Variants in GPHN observed in about 807,000 individuals in gnomAD.
GPHN encodes the protein gephyrin.
Under a neutral mutation model 95.5 loss-of-function variants are expected in GPHN, and 17 were observed. The ratio of observed to expected loss-of-function variants is 0.18; its 90% CI spans 0.12 to 0.27. The LOEUF (loss-of-function observed/expected upper bound fraction) is 0.27, where lower values mean the gene tolerates loss of function less well. Among genes scored for constraint, GPHN ranks in the 10% least tolerant of loss-of-function variants. The probability of loss-of-function intolerance (pLI) is 1.00; values close to 1 mark genes in which losing one functional copy is unlikely to be tolerated. For synonymous variants in GPHN, 320 were observed against 322.5 expected (o/e 0.99, Z 0.08); for missense variants, 660 against 978.1 (o/e 0.67, Z 4.34).
intron 16 of GPHN, 62 bp downstream of exon 16, chr14:67,113,233 A>C (rs868275973): frequency 7.3e-7 from 1 of 1,379,064 alleles, no homozygotes; most frequent in South Asian, 1.2e-5. Context: ...TATTTCTGAC[A>C]TATGTTCTGT....
the GPHN span, among the ~76,000 whole-genome samples, chr14:67,313,360 G>A: frequency 6.6e-6 from 1 of 152,188 alleles, no homozygotes; most frequent in Non-Finnish European, 1.5e-5. Flanking sequence ...ACATCACTGA[G>A]TGTATTTACA....
the GPHN span, chr14:67,570,241 A>T: frequency 1.7e-6 from 1 of 596,092 alleles, no homozygotes; most frequent in Non-Finnish European, 2.1e-6. Context: ...TAAGAAGGTT[A>T]AGCCTATGCC....
intron 1 of GPHN, among the ~76,000 whole-genome samples, chr14:66,630,954 TCTTA>T (rs2063774823): frequency 6.6e-6 from 1 of 152,144 alleles, no homozygotes; most frequent in South Asian, 2.1e-4. Flanking sequence ...CATGATCCCC[TCTTA>T]CTTAACTTTA....
At chr14:66,732,804 C>A (rs111269306) in intron 2 of GPHN, among the ~76,000 whole-genome samples, 3 of 152,184 alleles carry the variant, frequency 2.0e-5, no homozygotes, top group African/African-American at 7.2e-5. Flanking sequence ...AATGAGCCAC[C>A]GCATCTGGCC....
chr14:67,684,959 C>T, the GPHN span: 1 of 1,475,644 alleles, frequency 6.8e-7, no homozygotes, highest in South Asian at 1.3e-5. Context: ...CAGACAAACC[C>T]AAATTATCTC....
chr14:67,579,865 G>C, the GPHN span: 1 of 1,601,184 alleles, frequency 6.2e-7, no homozygotes, highest in Non-Finnish European at 8.5e-7. Context: ...CTGCCTGCAG[G>C]GAAGTGTCAA....
intron 11 of GPHN, among the ~76,000 whole-genome samples, chr14:67,079,253 A>G (rs1481055124): frequency 6.6e-6 from 1 of 152,114 alleles, no homozygotes; most frequent in East Asian, 1.9e-4. Context: ...ATATTCAGAC[A>G]TGTGTAGCCA....
At chr14:67,322,533 T>A in the GPHN span, among the ~76,000 whole-genome samples, 1 of 152,156 alleles carries the variant, frequency 6.6e-6, no homozygotes, top group African/African-American at 2.4e-5. Flanking sequence ...GAGATGTACA[T>A]AAAGGAGAAT....
intron 5 of GPHN, among the ~76,000 whole-genome samples, chr14:66,903,882 A>G (rs2065241077): frequency 6.6e-6 from 1 of 152,302 alleles, no homozygotes; most frequent in Non-Finnish European, 1.5e-5. Flanking sequence ...AAAGATGACA[A>G]CTTATCTTAG....
chr14:67,612,660 G>T, the GPHN span, among the ~76,000 whole-genome samples: 2 of 152,272 alleles, frequency 1.3e-5, no homozygotes, highest in South Asian at 4.2e-4. Flanking sequence ...AAATAGGCTG[G>T]GTGCGGTAGC....
the GPHN span, chr14:67,562,125 C>T: frequency 3.7e-6 from 6 of 1,611,142 alleles, no homozygotes; most frequent in Non-Finnish European, 5.1e-6. Context: ...ACTGTTTTTA[C>T]CCGAATCACA....
At chr14:66,795,958 A>G (rs2060142076) in intron 3 of GPHN, among the ~76,000 whole-genome samples, 1 of 152,064 alleles carries the variant, frequency 6.6e-6, no homozygotes, top group African/African-American at 2.4e-5. Context: ...CCTACTAACC[A>G]TCCCTACCTC....
intron 8 of GPHN, among the ~76,000 whole-genome samples, chr14:66,959,848 C>A (rs534993776): frequency 6.6e-6 from 1 of 152,096 alleles, no homozygotes; most frequent in East Asian, 1.9e-4. Context: ...CTTCTGGGAC[C>A]ACCATTAATC....
At chr14:67,578,146 C>T in the GPHN span, 2 of 1,613,960 alleles carry the variant, frequency 1.2e-6, no homozygotes, top group Non-Finnish European at 1.7e-6. The surrounding 1 kb of genome is among the most constrained non-coding windows in gnomAD (Gnocchi z 5.0). Flanking sequence ...GATCTACTGC[C>T]AACTCATGAA....
At chr14:67,390,738 C>T in the GPHN span, 3 of 1,611,604 alleles carry the variant, frequency 1.9e-6, no homozygotes, top group African/African-American at 2.7e-5. Context: ...AGTTTTTCCT[C>T]TTGTGTCCCT....
the GPHN span, among the ~76,000 whole-genome samples, chr14:67,457,571 A>C: frequency 1.3e-5 from 2 of 152,216 alleles, no homozygotes; most frequent in African/African-American, 4.8e-5. Flanking sequence ...GCACCACTGC[A>C]CTCCTGGCTG....
At chr14:67,202,793 G>C in the GPHN span, among the ~76,000 whole-genome samples, 7 of 152,170 alleles carry the variant, frequency 4.6e-5, no homozygotes, top group Non-Finnish European at 8.8e-5. Flanking sequence ...GCTAAGTCAA[G>C]TCCTCTGTTA....
In GPHN at chr14:66,916,080, T is replaced by G. The variant is rs375607651; in HGVS notation, c.456+11T>G. ...AAGAAAGGATCTCAGGTAAATCACC[T>G]GGACATATTAATGGTTTAGTGTAAG... On this transcript the variant is annotated intron_variant, in intron 6 of 22. Transcript: ENST00000478722. 1.3e-6 allele frequency: 2 copies of G among 1,541,918 alleles called. No homozygotes were observed. The highest frequency in any genetic ancestry group is 1.7e-5 in the Admixed American group (1 of 59,808).
intron 8 of GPHN, among the ~76,000 whole-genome samples, chr14:66,943,856 A>G (rs1197267278): frequency 1.3e-5 from 2 of 152,184 alleles, no homozygotes; most frequent in Admixed American, 6.5e-5. Context: ...AGACAGGGCT[A>G]GGAAAACATG....
Sources: gnomAD v4.1 joint callset for allele counts (sites outside exome capture counted in the v4.1 genomes callset) on GRCh38, gnomAD v4.1.1 for gene constraint, Gnocchi (gnomAD v3.1) non-coding constraint, MANE v1.5 for transcripts, NCBI Gene and HGNC (gene_info 2026-07-23, HGNC 2026-07-21) for gene names.